The following ANKAR variants were observed in gnomAD, a reference collection of about 807,000 sequenced individuals.
ANKAR encodes the protein ankyrin and armadillo repeat-containing protein.
A neutral mutation model predicts 146.2 loss-of-function variants in ANKAR; 136 were observed. That is an observed-to-expected ratio of 0.93 (90% CI 0.81 to 1.07). ANKAR has a LOEUF of 1.07. ANKAR is among the 50% of genes least tolerant of loss of function. The pLI is 0.00. For missense variants in ANKAR, 1,567 were observed against 1,679.9 expected, an observed-to-expected ratio of 0.93 and a Z score of 1.18; for synonymous variants, 500 against 575.8, an observed-to-expected ratio of 0.87 and a Z score of 1.88.
intron 17 of ANKAR, among the ~76,000 whole-genome samples, chr2:189,733,928 C>G (rs1021030428): frequency 6.6e-6 from 1 of 151,862 alleles, no homozygotes; most frequent in Non-Finnish European, 1.5e-5. Flanking sequence ...GAAGCTCAGC[C>G]CTTCTTTGTT....
intron 18 of ANKAR, among the ~76,000 whole-genome samples, chr2:189,756,275 G>A (rs1403564228): frequency 3.3e-5 from 5 of 152,106 alleles, no homozygotes; most frequent in African/African-American, 1.2e-4. Flanking sequence ...TAGGATGGTG[G>A]ATGGCCACTC....
chr2:189,749,726 A>G (rs751486980), downstream of ANKAR, among the ~76,000 whole-genome samples: 1 of 152,044 alleles, frequency 6.6e-6, no homozygotes, highest in Non-Finnish European at 1.5e-5. Context: ...TAGACATCCT[A>G]TTTACTCCAG....
At position 189,707,086 on chromosome 2, in the gene ANKAR, G is replaced by A. The variant is rs760050895; in HGVS notation, c.2059G>A (p.Val687Ile). Residue 687 changes from valine to isoleucine, a missense_variant, in exon 9 of 23, where the codon GTT (valine) becomes ATT (isoleucine). Physicochemically the swap from Val to Ile is conservative, Grantham distance 29. Coordinates refer to ENST00000684021, the MANE Select transcript of ANKAR (RefSeq NM_001378068.1). Reference protein sequence around the residue: ...HLSVLTFHTEVLKYIIKLNIP... With the variant: ...HLSVLTFHTEILKYIIKLNIP... ...ATCAGTGTTAACCTTTCATACAGAGGTTCTCAAATATATAATAAAATTAAA... is the reference window on the plus strand; with the variant it reads ...ATCAGTGTTAACCTTTCATACAGAGATTCTCAAATATATAATAAAATTAAA... The A allele has an allele frequency of 1.2e-6, 2 of 1,602,128 alleles. No individual in the cohort carries two copies. Among genetic ancestry groups the A allele is most frequent in the Non-Finnish European group, 1.7e-6 (2 of 1,174,396 alleles).
intron 10 of ANKAR, 30 bp downstream of exon 10, chr2:189,711,183 T>C: frequency 6.7e-7 from 1 of 1,497,830 alleles, no homozygotes; most frequent in Non-Finnish European, 9.3e-7. Flanking sequence ...TAACTTTTTA[T>C]GCTATTTTAT....
chr2:189,731,381 T>TTC (rs1172349464), intron 16 of ANKAR, among the ~76,000 whole-genome samples: 120 of 149,356 alleles, frequency 8.0e-4, no homozygotes, highest in Middle Eastern at 3.5e-3. Flanking sequence ...TTTTTCTTTT[T>TTC]TTTTTTTTTT....
chr2:189,699,966 T>C (rs954605313), intron 7 of ANKAR, among the ~76,000 whole-genome samples: 2 of 152,114 alleles, frequency 1.3e-5, no homozygotes, highest in East Asian at 3.8e-4. Context: ...GCACCGGGCC[T>C]GATAATGTTA....
intron 16 of ANKAR, 83 bp downstream of exon 16, chr2:189,730,684 C>G: frequency 1.7e-6 from 1 of 593,236 alleles, no homozygotes; most frequent in South Asian, 5.2e-5. Flanking sequence ...TATTCAAGTT[C>G]ATAAACATAA....
intron 4 of ANKAR, 116 bp downstream of exon 4, chr2:189,692,534 T>C: frequency 1.2e-6 from 1 of 863,388 alleles, no homozygotes; most frequent in Non-Finnish European, 1.7e-6. Flanking sequence ...ATGATTATTC[T>C]CACAACTCAA....
intron 18 of ANKAR, among the ~76,000 whole-genome samples, chr2:189,751,755 A>T (rs540610699): frequency 6.6e-6 from 1 of 152,082 alleles, no homozygotes; most frequent in East Asian, 1.9e-4. Flanking sequence ...AATGCTGACA[A>T]GTTTTAAAAC....
rs748292661 is a variant in ANKAR at position 189,676,942 on chromosome 2, A to G, written c.452A>G (p.Asp151Gly). The G allele has an allele frequency of 6.2e-7, 1 of 1,614,130 alleles. No homozygotes were observed. The highest frequency in any genetic ancestry group is 1.1e-5 in the South Asian group (1 of 91,082). The change falls in exon 2 of 23, where the codon GAC (aspartate) becomes GGC (glycine). Residue 151 changes from aspartate to glycine, a missense_variant. Transcript: ENST00000684021. Reference sequence around the variant, plus strand: ...ATTGGGCAAATTCTGATCAATATTGACTACATGCTGAAAGCACTATGGCAT... The same window carrying G: ...ATTGGGCAAATTCTGATCAATATTGGCTACATGCTGAAAGCACTATGGCAT... ...TRIGQILINI[D>G]YMLKALWHGI...
downstream of ANKAR, chr2:189,761,642 C>T (rs763636471): frequency 1.3e-6 from 2 of 1,575,176 alleles, no homozygotes; most frequent in Non-Finnish European, 1.7e-6. Context: ...GATTAGCATA[C>T]TTACTCTATA....
intron 21 of ANKAR, among the ~76,000 whole-genome samples, chr2:189,744,260 C>T (rs1285252455): frequency 3.9e-5 from 6 of 151,962 alleles, no homozygotes; most frequent in Non-Finnish European, 8.8e-5. Context: ...TTTGAAAAGC[C>T]GAAAGTCTAA....
At chr2:189,694,353 C>T (rs2105822720) in intron 5 of ANKAR, among the ~76,000 whole-genome samples, 1 of 152,284 alleles carries the variant, frequency 6.6e-6, no homozygotes, top group East Asian at 1.9e-4. Context: ...CCGCTGAAAT[C>T]CGGGCATGGG....
intron 20 of ANKAR, among the ~76,000 whole-genome samples, chr2:189,742,309 C>T (rs969899772): frequency 2.6e-5 from 4 of 152,124 alleles, no homozygotes; most frequent in African/African-American, 4.8e-5. Context: ...ACAGAGCAAC[C>T]GGATGCCAAC....
chr2:189,702,113 T>G (rs1406083365), intron 7 of ANKAR, among the ~76,000 whole-genome samples: 1 of 152,078 alleles, frequency 6.6e-6, no homozygotes. Context: ...CTTGCCTAGG[T>G]AGGTTAGGTT....
intron 9 of ANKAR, among the ~76,000 whole-genome samples, chr2:189,710,574 T>C (rs1259285555): frequency 6.6e-6 from 1 of 152,162 alleles, no homozygotes; most frequent in Non-Finnish European, 1.5e-5. Flanking sequence ...CCAAGGCAAG[T>C]GGATTGCTTG....
Position 189,727,900 on chromosome 2 carries a change from C to T in ANKAR, c.2680C>T (p.Arg894Cys), listed in dbSNP as rs1189407754. 42 of 1,613,766 alleles carry T rather than the reference C, an allele frequency of 2.6e-5. No individual in the cohort carries two copies. The highest frequency in any genetic ancestry group is 3.3e-5 in the Non-Finnish European group (39 of 1,179,912). Residue 894 changes from arginine (R) to cysteine (C), a missense_variant, in exon 13 of 23, where the codon CGT becomes TGT. By Grantham distance (180) the Arg-to-Cys change is radical. Coordinates refer to ENST00000684021, the MANE Select transcript of ANKAR (RefSeq NM_001378068.1). ...VSSAAIAEVG[R>C]DNKEIQDAIA... is the part of the protein sequence containing the mutation. Reference sequence around the variant, plus strand: ...TTCTGCTGCAATTGCTGAGGTTGGGCGTGACAATAAGGAAATTCAGGATGC... The same window carrying T: ...TTCTGCTGCAATTGCTGAGGTTGGGTGTGACAATAAGGAAATTCAGGATGC...
Position 189,719,807 on chromosome 2 carries a change from C to G in ANKAR, c.2460C>G (p.Ala820=), listed in dbSNP as rs1450178338. The G allele has an allele frequency of 1.3e-6, 2 of 1,568,802 alleles. No individual in the cohort carries two copies. The highest frequency in any genetic ancestry group is 2.3e-5 in the East Asian group (1 of 44,156). ...AATGTGAAAACAAGGATGTTATTGC[C>G]AAATATGTAAGTTCCTTTCATATAC... ...IAQCENKDVI[A]KYNGIPSLIN... Residue 820 remains alanine, a synonymous_variant, in exon 11 of 23, where the codon GCC becomes GCG. Coordinates refer to ENST00000684021, the MANE Select transcript of ANKAR (RefSeq NM_001378068.1).
At chr2:189,700,652 T>C (rs2037929352) in intron 7 of ANKAR, among the ~76,000 whole-genome samples, 2 of 152,212 alleles carry the variant, frequency 1.3e-5, no homozygotes, top group African/African-American at 2.4e-5. Context: ...TCTTTCTATT[T>C]TGTACCCATT....
Sources: allele counts gnomAD v4.1 joint callset (sites outside exome capture counted in the v4.1 genomes callset), GRCh38; gene constraint gnomAD v4.1.1; transcripts MANE v1.5; gene names NCBI Gene and HGNC (gene_info 2026-07-23, HGNC 2026-07-21).